Variants in ANK3 observed in about 807,000 individuals in gnomAD.
The protein encoded by ANK3 is ankyrin-3.
A neutral mutation model predicts 370.9 loss-of-function variants in ANK3; 57 were observed. The ratio of observed to expected loss-of-function variants is 0.15; its 90% confidence interval spans 0.12 to 0.19. The LOEUF (loss-of-function observed/expected upper bound fraction) is 0.19. Ranked by LOEUF, ANK3 falls within the 10% of genes least tolerant of loss-of-function variation. The pLI, the probability that ANK3 is intolerant of heterozygous loss-of-function variation, is 1.00. For missense variants in ANK3, 4,439 were observed against 5,302.1 expected (o/e 0.84, Z 5.06); for synonymous variants, 1,929 against 1,946.3 (o/e 0.99, Z 0.23).
At chr10:60,240,399 G>T (rs1325348840) in intron 7 of ANK3, among the ~76,000 whole-genome samples, 1 of 150,400 alleles carries the variant, frequency 6.6e-6, no homozygotes. Context: ...CTGCCTCCTG[G>T]GTTCAAGCAA....
chr10:60,539,453 A>G (rs1419024270), intron 2 of ANK3, among the ~76,000 whole-genome samples: 1 of 151,910 alleles, frequency 6.6e-6, no homozygotes, highest in Non-Finnish European at 1.5e-5. Flanking sequence ...AATGAGCTCC[A>G]TTGTCTACTA....
chr10:60,300,549 G>C, intron 1 of ANK3: 1 of 1,200,026 alleles, frequency 8.3e-7, no homozygotes, highest in Middle Eastern at 3.7e-4. Context: ...TACAGAATCC[G>C]CCTGGGCCCT....
chr10:60,109,672 C>T (rs2092535685), intron 26 of ANK3, among the ~76,000 whole-genome samples: 2 of 152,062 alleles, frequency 1.3e-5, no homozygotes, highest in Non-Finnish European at 2.9e-5. Flanking sequence ...TCTGAAATAA[C>T]CTACATTTGA....
intron 1 of ANK3, among the ~76,000 whole-genome samples, chr10:60,306,192 C>T (rs1208362394): frequency 6.6e-6 from 1 of 151,926 alleles, no homozygotes; most frequent in African/African-American, 2.4e-5. Flanking sequence ...TGTAGTCTTT[C>T]CTCTCTCACT....
At chr10:60,382,718 A>T (rs1202094231) in intron 1 of ANK3, among the ~76,000 whole-genome samples, 2 of 151,356 alleles carry the variant, frequency 1.3e-5, no homozygotes, top group Non-Finnish European at 2.9e-5. Context: ...ATTTCTTGAA[A>T]ATAAAATTTG....
At chr10:60,431,846 C>T (rs1374135821) in intron 2 of ANK3, among the ~76,000 whole-genome samples, 1 of 152,184 alleles carries the variant, frequency 6.6e-6, no homozygotes, top group East Asian at 1.9e-4. Flanking sequence ...AAAGGTCCCA[C>T]ATTCAGCCAT....
chr10:60,173,333 C>G (rs2095844609), intron 18 of ANK3, 147 bp from the exon 19 acceptor site: 2 of 606,422 alleles, frequency 3.3e-6, no homozygotes, highest in Non-Finnish European at 5.6e-6. Flanking sequence ...AAAAATTGCC[C>G]TTGATAATTC....
At chr10:60,403,627 G>A (rs146512237) in intron 2 of ANK3, among the ~76,000 whole-genome samples, 103 of 151,728 alleles carry the variant, frequency 6.8e-4, no homozygotes, top group East Asian at 2.5e-3. Context: ...TTGCTCTGTC[G>A]CCCAGGCCGG....
intron 1 of ANK3, among the ~76,000 whole-genome samples, chr10:60,373,667 C>T (rs570536873): frequency 1.5e-4 from 23 of 152,236 alleles, no homozygotes; most frequent in African/African-American, 5.1e-4. Context: ...GGCAAGGTCA[C>T]GGAAGGCAAG....
At chr10:60,437,114 T>A (rs12770716) in intron 2 of ANK3, among the ~76,000 whole-genome samples, 1,897 of 152,264 alleles carry the variant, frequency 0.012, 26 homozygotes, top group Non-Finnish European at 0.016. Flanking sequence ...TTAGACCACT[T>A]GTTTGGGCAT....
chr10:60,680,182 A>C (rs1014241320), intron 1 of ANK3, among the ~76,000 whole-genome samples: 6 of 151,854 alleles, frequency 4.0e-5, no homozygotes, highest in African/African-American at 1.5e-4. Flanking sequence ...GGAAAAAAAA[A>C]TAGATTTTAA....
At chr10:60,191,798 T>C (rs2132385985) in intron 16 of ANK3, among the ~76,000 whole-genome samples, 2 of 152,336 alleles carry the variant, frequency 1.3e-5, no homozygotes, top group Middle Eastern at 6.8e-3. Flanking sequence ...CACTCGTATG[T>C]TCATTGCAGC....
intron 1 of ANK3, among the ~76,000 whole-genome samples, chr10:60,660,430 C>T (rs1457158525): frequency 2.0e-5 from 3 of 152,126 alleles, no homozygotes; most frequent in African/African-American, 7.2e-5. Context: ...ATTATTGTTG[C>T]AACAGTAATC....
chr10:60,170,257 T>C (rs1157673490), intron 21 of ANK3, among the ~76,000 whole-genome samples: 4 of 152,218 alleles, frequency 2.6e-5, no homozygotes, highest in Admixed American at 6.5e-5. Flanking sequence ...TTTACTCACA[T>C]GGAAAAGACA....
At chr10:60,047,902 T>G (rs933951189) in intron 42 of ANK3, among the ~76,000 whole-genome samples, 1 of 152,192 alleles carries the variant, frequency 6.6e-6, no homozygotes, top group African/African-American at 2.4e-5. Context: ...ATCAGAATTT[T>G]ATCAGCACAT....
intron 1 of ANK3, among the ~76,000 whole-genome samples, chr10:60,624,339 G>A (rs1224001033): frequency 6.6e-6 from 1 of 152,098 alleles, no homozygotes; most frequent in African/African-American, 2.4e-5. Flanking sequence ...TGCACACCAA[G>A]GCTTGGGTGT....
intron 2 of ANK3, among the ~76,000 whole-genome samples, chr10:60,513,527 G>C (rs767129522): frequency 6.6e-6 from 1 of 151,990 alleles, no homozygotes; most frequent in Admixed American, 6.6e-5. Context: ...TTAATATAAG[G>C]GAAGTTTGGT....
rs2083939789 is a variant in ANK3, at chr10:60,076,785, G to A, written c.4433-337C>T. On this transcript the variant is annotated intron_variant, in intron 36 of 43. Transcript: ENST00000280772. Reference sequence around the variant, plus strand: ...AATGATGAGAAAAATAACCATAATGGAAAACTGTTCCCTACTTCCTATTGA... The same window carrying A: ...AATGATGAGAAAAATAACCATAATGAAAAACTGTTCCCTACTTCCTATTGA... 2.6e-5 allele frequency among the ~76,000 whole-genome samples: 4 copies of A among 152,214 alleles called. No individual in the cohort carries two copies. The South Asian group carries it at 8.3e-4, about 32-fold the overall frequency.
At chr10:60,556,581 A>G (rs188829110) in intron 2 of ANK3, among the ~76,000 whole-genome samples, 79 of 152,326 alleles carry the variant, frequency 5.2e-4, no homozygotes, top group African/African-American at 1.9e-3. Flanking sequence ...CCACACATCC[A>G]GTCCCACTAT....
Sources: gnomAD v4.1 joint callset for allele counts (sites outside exome capture counted in the v4.1 genomes callset) on GRCh38, gnomAD v4.1.1 for gene constraint, MANE v1.5 for transcripts, NCBI Gene and HGNC (gene_info 2026-07-23, HGNC 2026-07-21) for gene names.